PCDHGB2: variants seen among roughly 807,000 people sequenced by gnomAD.
PCDHGB2 encodes protocadherin gamma-B2.
In PCDHGB2, 55 loss-of-function variants were observed where a neutral mutation model predicts 59.3. That is an observed-to-expected ratio of 0.93 (90% CI 0.75 to 1.16). The LOEUF is 1.16. PCDHGB2 is among the 50% of genes most tolerant of loss of function. PCDHGB2 has a pLI of 0.00. For synonymous variants in PCDHGB2, 516 were observed against 512.0 expected (o/e 1.01, Z -0.11); for missense variants, 1,228 against 1,198.5 (o/e 1.02, Z -0.36).
intron 1 of PCDHGB2, chr5:141,376,465 T>A: frequency 1.9e-6 from 3 of 1,614,178 alleles, no homozygotes; most frequent in East Asian, 2.2e-5. Flanking sequence ...TTCTGATAAC[T>A]CAGGATTTAC....
At chr5:141,488,259 C>T (rs1594750656) in intron 1 of PCDHGB2, among the ~76,000 whole-genome samples, 1 of 152,144 alleles carries the variant, frequency 6.6e-6, no homozygotes, top group African/African-American at 2.4e-5. Context: ...AAGGTTGGGG[C>T]GGGTTGGTCA....
chr5:141,431,609 G>A lies in PCDHGB2; in HGVS notation c.2422-63198G>A. The A allele has an allele frequency of 6.2e-7, 1 of 1,614,232 alleles. No homozygotes were observed. The highest frequency in any genetic ancestry group is 8.5e-7 in the Non-Finnish European group (1 of 1,180,046). On this transcript the variant is annotated intron_variant, in intron 1 of 3. Coordinates refer to ENST00000522605, the MANE Select transcript of PCDHGB2 (RefSeq NM_018923.3). The surrounding 1 kb of genome is among the most constrained non-coding windows in gnomAD (Gnocchi z 4.8). ...GGAAGTGAGGTATTCCTTCCGGTAT[G>A]TGGACGACAAGGCGGCCCAAGTTTT...
Position 141,485,730 on chromosome 5 carries a change from G to A in PCDHGB2, c.2422-9077G>A. On this transcript the variant is annotated intron_variant, in intron 1 of 3. Coordinates refer to ENST00000522605, the MANE Select transcript of PCDHGB2 (RefSeq NM_018923.3). This position sits in a 1 kb window ranked among gnomAD's most constrained non-coding sequence, Gnocchi z 5.7. ...TTTGCACTGGATGTGAAGAAGCGCA[G>A]CGACGGCAGCCTGGTCCCAGAGCTG... is the stretch of plus-strand genomic sequence containing the variant. 1 of 1,614,200 alleles carries A rather than the reference G, an allele frequency of 6.2e-7. No individual in the cohort carries two copies. Among genetic ancestry groups the A allele is most frequent in the Non-Finnish European group, 8.5e-7 (1 of 1,180,024 alleles).
Position 141,379,889 on chromosome 5 carries a change from C to CTTTTTT in PCDHGB2, c.2421+17358_2421+17363dup, listed in dbSNP as rs70988800. Among the ~76,000 whole-genome samples the CTTTTTT allele has an allele frequency of 6.7e-3, 342 of 50,826 alleles. 49 individuals carry two copies. Among genetic ancestry groups the CTTTTTT allele is most frequent in the African/African-American group, 8.9e-3 (134 of 15,072 alleles). 33.3% of individuals were successfully genotyped at this position (50,826 alleles called of 152,430 possible). On this transcript the variant is annotated intron_variant, in intron 1 of 3. Transcript: ENST00000522605. ...CTTATTTTATGGTCTGTGAAAGCCT[C>CTTTTTT]TTTTTTTTTTTTTTTTTTTTTTTTT...
chr5:141,398,931 C>T, intron 1 of PCDHGB2: 2 of 1,613,956 alleles, frequency 1.2e-6, no homozygotes, highest in East Asian at 4.5e-5. Context: ...CAGCCACTGA[C>T]CAAGACGAGG....
At chr5:141,466,146 T>C (rs977109086) in intron 1 of PCDHGB2, among the ~76,000 whole-genome samples, 5 of 151,880 alleles carry the variant, frequency 3.3e-5, no homozygotes, top group Non-Finnish European at 7.4e-5. Context: ...GTGAAAACTC[T>C]GGTCTTAAAC....
chr5:141,383,911 T>C, intron 1 of PCDHGB2: 1 of 1,613,926 alleles, frequency 6.2e-7, no homozygotes, highest in Non-Finnish European at 8.5e-7. Context: ...GATCACAGTT[T>C]TAGATGTAAA....
chr5:141,407,200 G>A (rs1054595818), intron 1 of PCDHGB2, among the ~76,000 whole-genome samples: 2 of 152,228 alleles, frequency 1.3e-5, no homozygotes, highest in East Asian at 1.9e-4. Context: ...TTTCAAACAC[G>A]TTTTCCCCCT....
intron 1 of PCDHGB2, among the ~76,000 whole-genome samples, chr5:141,451,579 A>T (rs1222576609): frequency 6.6e-6 from 1 of 152,084 alleles, no homozygotes; most frequent in African/African-American, 2.4e-5. Flanking sequence ...TTATAAACCT[A>T]ATTTTGAAAG....
intron 2 of PCDHGB2, among the ~76,000 whole-genome samples, chr5:141,497,893 C>T (rs1194262199): frequency 6.6e-6 from 1 of 152,132 alleles, no homozygotes; most frequent in Non-Finnish European, 1.5e-5. Flanking sequence ...GGATCTAGTC[C>T]AGTAACTTCA....
Position 141,403,170 on chromosome 5 carries a change from A to C in PCDHGB2, c.2421+40614A>C. On this transcript the variant is annotated intron_variant, in intron 1 of 3. Transcript: ENST00000522605. ...CGCATCGTCTCTAGAGGTAGGACGC[A>C]GCTTTTCTCTCTGAACCCGCGCAGC... is the stretch of plus-strand genomic sequence containing the variant. 1 of 1,614,048 alleles carries C rather than the reference A, an allele frequency of 6.2e-7. No homozygotes were observed. Among genetic ancestry groups the C allele is most frequent in the East Asian group, 2.2e-5 (1 of 44,886 alleles).
rs767842302 is a variant in PCDHGB2 at position 141,381,979 on chromosome 5, G to A, written c.2421+19423G>A. Among the ~76,000 whole-genome samples the A allele has an allele frequency of 2.6e-5, 4 of 151,486 alleles. 1 individual carries two copies. Among genetic ancestry groups the A allele is most frequent in the East Asian group, 3.9e-4 (2 of 5,156 alleles). On this transcript the variant is annotated intron_variant, in intron 1 of 3. Transcript: ENST00000522605. ...TGAGTAGCTGGGATTACAGGCGCGCGCCACCACGCCCGGATAATTTTGTAT... is the reference window on the plus strand; with the variant it reads ...TGAGTAGCTGGGATTACAGGCGCGCACCACCACGCCCGGATAATTTTGTAT...
chr5:141,391,176 T>C (rs562307508), intron 1 of PCDHGB2: 1 of 152,322 alleles, frequency 6.6e-6, no homozygotes, highest in African/African-American at 2.4e-5. Context: ...ACTGCCAATC[T>C]GGTGTGCATA....
intron 1 of PCDHGB2, chr5:141,372,263 G>A: frequency 6.2e-7 from 1 of 1,613,110 alleles, no homozygotes; most frequent in Admixed American, 1.7e-5. Flanking sequence ...GCCTGCGCAC[G>A]GGTGAGGTGC....
intron 1 of PCDHGB2, chr5:141,422,819 TGA>T (rs766395950): frequency 1.9e-5 from 31 of 1,614,068 alleles, no homozygotes; most frequent in Middle Eastern, 1.6e-4. Flanking sequence ...GACTTAGAAC[TGA>T]GAGTGATAGC....
chr5:141,364,926 C>T, intron 1 of PCDHGB2: 2 of 1,613,906 alleles, frequency 1.2e-6, no homozygotes, highest in Non-Finnish European at 8.5e-7. Flanking sequence ...TTGGAACAGC[C>T]CCTAGACCGC....
intron 1 of PCDHGB2, chr5:141,377,947 G>A (rs1280441389): frequency 1.3e-5 from 2 of 152,286 alleles, no homozygotes; most frequent in Middle Eastern, 3.4e-3. Flanking sequence ...TATAGAGTGT[G>A]TATCCAGGGC....
intron 1 of PCDHGB2, chr5:141,404,610 T>G (rs1207198913): frequency 6.2e-7 from 1 of 1,614,130 alleles, no homozygotes. Context: ...CTGTTTGTTT[T>G]GGACCAGAAT....
Position 141,376,444 on chromosome 5 carries a change from A to G in PCDHGB2, c.2421+13888A>G, listed in dbSNP as rs755915739. On this transcript the variant is annotated intron_variant, in intron 1 of 3. Coordinates refer to ENST00000522605, the MANE Select transcript of PCDHGB2 (RefSeq NM_018923.3). Reference sequence around the variant, plus strand: ...TTATCAACCAGGAGAGCTATGAGAAAAGCGAGCCTCTTCTGATAACTCAGG... The same window carrying G: ...TTATCAACCAGGAGAGCTATGAGAAGAGCGAGCCTCTTCTGATAACTCAGG... 3.1e-6 allele frequency: 5 copies of G among 1,614,096 alleles called. No homozygotes were observed. The East Asian group carries it at 8.9e-5, about 29-fold the overall frequency.
Sources: gnomAD v4.1 joint callset for allele counts (sites outside exome capture counted in the v4.1 genomes callset) on GRCh38, gnomAD v4.1.1 for gene constraint, Gnocchi (gnomAD v3.1) non-coding constraint, MANE v1.5 for transcripts, NCBI Gene and HGNC (gene_info 2026-07-23, HGNC 2026-07-21) for gene names.